PTK2B: variants seen among roughly 807,000 people sequenced by gnomAD.
PTK2B encodes the protein protein-tyrosine kinase 2-beta.
Under a neutral mutation model 142.9 loss-of-function variants are expected in PTK2B, and 71 were observed. The ratio of observed to expected loss-of-function variants is 0.50; its 90% CI spans 0.41 to 0.61. The LOEUF is 0.61. Among genes scored for constraint, PTK2B ranks in the 20% least tolerant of loss-of-function variants. PTK2B has a pLI of 0.00. For missense variants in PTK2B, 1,105 were observed against 1,320.4 expected, an observed-to-expected ratio of 0.84 and a Z score of 2.53; for synonymous variants, 519 against 503.4, an observed-to-expected ratio of 1.03 and a Z score of -0.42.
In PTK2B at chr8:27,430,151, C is replaced by T. The variant is rs1563279284; in HGVS notation, c.610C>T (p.Leu204=). 6.2e-7 allele frequency: 1 copy of T among 1,613,220 alleles called. No individual in the cohort carries two copies. The highest frequency in any genetic ancestry group is 8.5e-7 in the Non-Finnish European group (1 of 1,179,174). Residue 204 remains leucine (L), a synonymous_variant, in exon 6 of 31, where the codon CTA becomes TTA. Transcript: ENST00000346049. The stretch of plus-strand genomic sequence containing the variant: ...TGACAAGAAGTCCAACTTCGAGCTC[C>T]TAGAGTAAGTTCTGGGATCACCCAT... ...ALDKKSNFEL[L]EKEVGLDLFF...
chr8:27,371,664 C>T (rs368332659), intron 1 of PTK2B, among the ~76,000 whole-genome samples: 3 of 152,036 alleles, frequency 2.0e-5, no homozygotes, highest in Admixed American at 1.3e-4. Context: ...TCTCCTGCCT[C>T]GGCATCCCAA....
At chr8:27,371,662 C>G (rs760230080) in intron 1 of PTK2B, among the ~76,000 whole-genome samples, 4 of 152,074 alleles carry the variant, frequency 2.6e-5, no homozygotes, top group Non-Finnish European at 5.9e-5. Context: ...ATTCTCCTGC[C>G]TCGGCATCCC....
At chr8:27,412,416 G>A (rs796964049) in intron 2 of PTK2B, among the ~76,000 whole-genome samples, 3 of 152,222 alleles carry the variant, frequency 2.0e-5, no homozygotes, top group African/African-American at 7.2e-5. Flanking sequence ...CCTAACTCTT[G>A]GGAAATTCCA....
chr8:27,437,868 A>T lies in PTK2B; in HGVS notation c.1631A>T (p.Asn544Ile). Residue 544 changes from asparagine to isoleucine, a missense_variant, in exon 18 of 31, where the codon AAC (asparagine) becomes ATC (isoleucine). Asn to Ile is a moderately radical substitution (Grantham distance 149, BLOSUM62 -3). Coordinates refer to ENST00000346049, the MANE Select transcript of PTK2B (RefSeq NM_173176.3). ...CKAMAYLESINCVHRDIAVRN... is the reference protein window; with the variant it reads ...CKAMAYLESIICVHRDIAVRN... ...GCCATGGCCTACCTGGAGAGCATCA[A>T]CTGCGTGCACAGGTAGGGGTGGAGG... 1 of 1,611,456 alleles carries T rather than the reference A, an allele frequency of 6.2e-7. No homozygotes were observed. Among genetic ancestry groups the T allele is most frequent in the Non-Finnish European group, 8.5e-7 (1 of 1,178,986 alleles).
intron 1 of PTK2B, among the ~76,000 whole-genome samples, chr8:27,325,954 AGGGGAGGCTG>A (rs756288850): frequency 3.3e-5 from 5 of 152,042 alleles, no homozygotes; most frequent in African/African-American, 4.8e-5. Flanking sequence ...ATATTCAGAC[AGGGGAGGCTG>A]GGGGAGGCTA....
At chr8:27,394,583 T>C (rs1807926163) in intron 1 of PTK2B, among the ~76,000 whole-genome samples, 1 of 152,274 alleles carries the variant, frequency 6.6e-6, no homozygotes, top group African/African-American at 2.4e-5. Flanking sequence ...TACTATGCAC[T>C]ACTGTAGACT....
In PTK2B at chr8:27,458,529, G is replaced by T; in HGVS notation, c.*20G>T. The T allele has an allele frequency of 6.4e-7, 1 of 1,551,168 alleles. No homozygotes were observed. Among genetic ancestry groups the T allele is most frequent in the South Asian group, 1.2e-5 (1 of 84,390 alleles). On this transcript the variant is annotated 3_prime_UTR_variant, in exon 31 of 31. Transcript: ENST00000346049. ...GAGTGACGGAGGGTGGGGGCCACCT[G>T]CCTGCGTCTTCCGCCCCTGCCTGCC...
intron 3 of PTK2B, among the ~76,000 whole-genome samples, chr8:27,317,058 T>G (rs1165739086): frequency 6.6e-6 from 1 of 152,176 alleles, no homozygotes; most frequent in Non-Finnish European, 1.5e-5. Flanking sequence ...TGGCTTCCTT[T>G]TGGTTGGAAA....
intron 2 of PTK2B, among the ~76,000 whole-genome samples, chr8:27,415,643 C>T (rs902535367): frequency 2.6e-5 from 4 of 152,184 alleles, no homozygotes; most frequent in Middle Eastern, 6.8e-3. Flanking sequence ...GGAATGGGCT[C>T]CAGGGGCAAA....
At chr8:27,388,648 A>G (rs184438167) in intron 1 of PTK2B, among the ~76,000 whole-genome samples, 33 of 152,208 alleles carry the variant, frequency 2.2e-4, no homozygotes, top group Non-Finnish European at 4.7e-4. Flanking sequence ...AATGGTGTCC[A>G]TTTCTCCCCA....
chr8:27,444,172 G>A, intron 22 of PTK2B, 34 bp from the exon 23 acceptor site: 5 of 1,585,048 alleles, frequency 3.2e-6, no homozygotes, highest in Non-Finnish European at 4.3e-6. Context: ...CAAGGAGAGG[G>A]ACAGAGACTG....
chr8:27,406,359 G>A (rs1808713158), intron 2 of PTK2B, among the ~76,000 whole-genome samples: 1 of 151,930 alleles, frequency 6.6e-6, no homozygotes, highest in Non-Finnish European at 1.5e-5. Context: ...TATCTTTTGG[G>A]GGCCACCATT....
Position 27,433,489 on chromosome 8 carries a change from A to G in PTK2B, c.1042A>G (p.Ile348Val). 6.2e-7 allele frequency: 1 copy of G among 1,614,246 alleles called. No homozygotes were observed. Among genetic ancestry groups the G allele is most frequent in the South Asian group, 1.1e-5 (1 of 91,090 alleles). The stretch of plus-strand genomic sequence containing the variant: ...AGAGGCTGAGAACATGGCTGACCTC[A>G]TAGACGGCTACTGCCGGCTGCAGGG... ...LAEAENMADLIDGYCRLQGEH... is the reference protein window; with the variant it reads ...LAEAENMADLVDGYCRLQGEH... Residue 348 changes from isoleucine to valine, a missense_variant, in exon 11 of 31, where the codon ATA (isoleucine) becomes GTA (valine). Transcript: ENST00000346049.
chr8:27,365,109 CAT>C (rs1805941760), intron 1 of PTK2B, among the ~76,000 whole-genome samples: 1 of 152,244 alleles, frequency 6.6e-6, no homozygotes, highest in Non-Finnish European at 1.5e-5. Flanking sequence ...AGGTCCAACT[CAT>C]ATCCTGCCTT....
intron 1 of PTK2B, among the ~76,000 whole-genome samples, chr8:27,343,661 A>G (rs1231198197): frequency 6.6e-6 from 1 of 152,170 alleles, no homozygotes. Flanking sequence ...TACCTTATTC[A>G]TTCACTGTTA....
chr8:27,360,135 T>C (rs2130741296), intron 1 of PTK2B, among the ~76,000 whole-genome samples: 1 of 152,326 alleles, frequency 6.6e-6, no homozygotes, highest in South Asian at 2.1e-4. Context: ...GTCTGTCTAT[T>C]ACAGGACTGA....
chr8:27,436,155 C>A, intron 14 of PTK2B, 96 bp from the exon 15 acceptor site: 1 of 1,161,046 alleles, frequency 8.6e-7, no homozygotes, highest in African/African-American at 1.5e-5. Context: ...TGTTATAGAT[C>A]TGGTGACGCC....
upstream of PTK2B, chr8:27,322,809 A>T (rs980052406): frequency 1.4e-5 from 2 of 140,216 alleles, no homozygotes; most frequent in African/African-American, 6.6e-5. Flanking sequence ...CTTTCAACCC[A>T]CGACCCCCTC....
upstream of PTK2B, among the ~76,000 whole-genome samples, chr8:27,325,166 G>T (rs773360223): frequency 6.6e-6 from 1 of 152,154 alleles, no homozygotes; most frequent in Non-Finnish European, 1.5e-5. Context: ...CCCACTGCGG[G>T]GGGTCTTGGG....
Sources: allele counts gnomAD v4.1 joint callset (sites outside exome capture counted in the v4.1 genomes callset), GRCh38; gene constraint gnomAD v4.1.1; transcripts MANE v1.5; gene names NCBI Gene and HGNC (gene_info 2026-07-23, HGNC 2026-07-21).